Variants in AIG1 observed in about 807,000 individuals in gnomAD.
The protein encoded by AIG1 is androgen induced 1, also known as androgen-induced gene 1 protein.
AIG1 carries 23 observed loss-of-function variants against 31.4 expected under a neutral mutation model. That is an observed-to-expected ratio of 0.73 (90% confidence interval 0.53 to 1.04). The LOEUF (loss-of-function observed/expected upper bound fraction) is 1.04. AIG1 is among the 50% of genes least tolerant of loss of function. AIG1 has a pLI of 0.00. For missense variants in AIG1, 274 were observed against 295.0 expected (o/e 0.93, Z 0.52); for synonymous variants, 100 against 110.5 (o/e 0.90, Z 0.60).
chr6:143,082,053 T>C (rs1778306460), intron 1 of AIG1, among the ~76,000 whole-genome samples: 1 of 152,220 alleles, frequency 6.6e-6, no homozygotes, highest in African/African-American at 2.4e-5. Flanking sequence ...GGTTTCCTGA[T>C]GTTTGATACG....
chr6:143,337,221 A>G (rs1478053713), intron 5 of AIG1, among the ~76,000 whole-genome samples: 1 of 152,182 alleles, frequency 6.6e-6, no homozygotes, highest in African/African-American at 2.4e-5. Flanking sequence ...CATGCTGTCA[A>G]TGTTTCTGCT....
chr6:143,243,217 G>T (rs143495638), intron 3 of AIG1, among the ~76,000 whole-genome samples: 1 of 152,280 alleles, frequency 6.6e-6, no homozygotes, highest in African/African-American at 2.4e-5. Context: ...ATTTGCAGCT[G>T]GGTATGTAGG....
downstream of AIG1, chr6:143,343,030 T>A: frequency 1.2e-6 from 1 of 820,764 alleles, no homozygotes; most frequent in South Asian, 1.3e-5. Flanking sequence ...CAGTTATGTG[T>A]GTAAAGTTGC....
At position 143,328,793 on chromosome 6, in the gene AIG1, C is replaced by T. The variant is rs1776825256; in HGVS notation, c.516-4489C>T. Among the ~76,000 whole-genome samples, 1 of 151,892 alleles carries T rather than the reference C, an allele frequency of 6.6e-6. No homozygotes were observed. Among genetic ancestry groups the T allele is most frequent in the African/African-American group, 2.4e-5 (1 of 41,338 alleles). The stretch of plus-strand genomic sequence containing the variant: ...CGGAGGTACATTTAATAAAATAGAC[C>T]ATCCAAAAATCTTATTATGCTAATA... On this transcript the variant is annotated intron_variant, in intron 4 of 5. Coordinates refer to ENST00000357847, the MANE Select transcript of AIG1 (RefSeq NM_016108.4). This position sits in a 1 kb window ranked among gnomAD's most constrained non-coding sequence, Gnocchi z 4.0.
intron 4 of AIG1, among the ~76,000 whole-genome samples, chr6:143,302,182 TA>T (rs1293262322): frequency 3.3e-5 from 5 of 151,842 alleles, no homozygotes; most frequent in African/African-American, 4.8e-5. Flanking sequence ...CTAACACTTT[TA>T]TTTTTTTATT....
chr6:143,304,390 G>A (rs1426718547), intron 4 of AIG1, among the ~76,000 whole-genome samples: 2 of 151,424 alleles, frequency 1.3e-5, no homozygotes, highest in Middle Eastern at 3.2e-3. Flanking sequence ...ATTATTTTGA[G>A]ATACGTCCCA....
Position 143,092,522 on chromosome 6 carries a change from T to A in AIG1, c.141+31456T>A, listed in dbSNP as rs183359613. ...AGGCATGAAAACATTAATTTTCCTTTACATCTGCATCAAAGCTCTTGGGTG... is the reference window on the plus strand; with the variant it reads ...AGGCATGAAAACATTAATTTTCCTTAACATCTGCATCAAAGCTCTTGGGTG... On this transcript the variant is annotated intron_variant, in intron 1 of 5. Transcript: ENST00000357847. Among the ~76,000 whole-genome samples the A allele has an allele frequency of 8.5e-5, 13 of 152,342 alleles. No homozygotes were observed. The East Asian group carries it at 2.5e-3, about 29-fold the overall frequency.
intron 4 of AIG1, among the ~76,000 whole-genome samples, chr6:143,302,371 C>A (rs1437517471): frequency 6.6e-6 from 1 of 151,556 alleles, no homozygotes; most frequent in Non-Finnish European, 1.5e-5. Context: ...TATCCCTCCC[C>A]ACTCCCCCCG....
At chr6:143,237,672 C>G (rs1793910530) in intron 3 of AIG1, among the ~76,000 whole-genome samples, 1 of 152,142 alleles carries the variant, frequency 6.6e-6, no homozygotes, top group Non-Finnish European at 1.5e-5. Flanking sequence ...AATTTCTACT[C>G]TAACCGAACC....
chr6:143,147,881 T>C (rs913076887), intron 2 of AIG1, among the ~76,000 whole-genome samples: 5 of 152,200 alleles, frequency 3.3e-5, no homozygotes, highest in Non-Finnish European at 7.3e-5. Flanking sequence ...TTCACTTACA[T>C]GCTTGCTGTG....
intron 3 of AIG1, among the ~76,000 whole-genome samples, chr6:143,193,900 G>A (rs1214700532): frequency 6.6e-6 from 1 of 152,220 alleles, no homozygotes; most frequent in Admixed American, 6.5e-5. Context: ...GGAGGAAAGT[G>A]AGGAAATAAG....
rs536023851 is a variant in AIG1 at position 143,202,241 on chromosome 6, G to A, written c.399+37058G>A. Among the ~76,000 whole-genome samples, 26 of 152,238 alleles carry A rather than the reference G, an allele frequency of 1.7e-4. No homozygotes were observed. In the South Asian group the frequency reaches 5.0e-3, roughly 29 times the overall value. ...TAAAGTAAGCACTACCAAATCAAGT[G>A]TAGTTATAGTGGGCCTGCCTTTTAA... On this transcript the variant is annotated intron_variant, in intron 3 of 5. Coordinates refer to ENST00000357847, the MANE Select transcript of AIG1 (RefSeq NM_016108.4).
chr6:143,201,008 A>G (rs750508534), intron 3 of AIG1, among the ~76,000 whole-genome samples: 1 of 151,926 alleles, frequency 6.6e-6, no homozygotes. Context: ...TCCCAAACCT[A>G]TTTCCCGTCT....
rs951254911 is a variant in AIG1, at chr6:143,329,410, C to G, written c.516-3872C>G. 3.3e-5 allele frequency among the ~76,000 whole-genome samples: 5 copies of G among 152,248 alleles called. No individual in the cohort carries two copies. In the East Asian group the frequency reaches 9.6e-4, roughly 29 times the overall value. ...GATTACATCTCATGTTTATAAGCACCACACTCAGAAGAGCTGTCTGCTTCT... is the reference window on the plus strand; with the variant it reads ...GATTACATCTCATGTTTATAAGCACGACACTCAGAAGAGCTGTCTGCTTCT... On this transcript the variant is annotated intron_variant, in intron 4 of 5. Coordinates refer to ENST00000357847, the MANE Select transcript of AIG1 (RefSeq NM_016108.4). The surrounding 1 kb of genome is among the most constrained non-coding windows in gnomAD (Gnocchi z 4.9).
chr6:143,110,184 T>C (rs1781147185), intron 1 of AIG1, among the ~76,000 whole-genome samples: 1 of 152,202 alleles, frequency 6.6e-6, no homozygotes, highest in Non-Finnish European at 1.5e-5. Flanking sequence ...CACTGGTCTA[T>C]TTACCTATCC....
chr6:143,245,026 A>G (rs986001464), intron 3 of AIG1, among the ~76,000 whole-genome samples: 11 of 152,216 alleles, frequency 7.2e-5, no homozygotes, highest in African/African-American at 2.7e-4. Context: ...CCCTGTCACT[A>G]AATCAGCATC....
chr6:143,263,144 C>T (rs960940701), intron 3 of AIG1, among the ~76,000 whole-genome samples: 2 of 152,118 alleles, frequency 1.3e-5, no homozygotes, highest in Admixed American at 6.5e-5. Context: ...TTGGCCTTTC[C>T]CCAGTATTGC....
chr6:143,134,282 T>C lies in AIG1; in HGVS notation c.142-2553T>C, dbSNP rs145221452. Among the ~76,000 whole-genome samples, 491 of 152,056 alleles carry C rather than the reference T, an allele frequency of 3.2e-3. 4 individuals are homozygous for C. The highest frequency in any genetic ancestry group is 0.011 in the African/African-American group (457 of 41,526). ...TCTCTAGAGGTACCTTAATGCAATG[T>C]TATTAATTCCCATGCATTTCTTCAT... On this transcript the variant is annotated intron_variant, in intron 1 of 5. Coordinates refer to ENST00000357847, the MANE Select transcript of AIG1 (RefSeq NM_016108.4).
chr6:143,192,163 C>T (rs565882659), intron 3 of AIG1, among the ~76,000 whole-genome samples: 3 of 152,138 alleles, frequency 2.0e-5, no homozygotes, highest in South Asian at 2.1e-4. Context: ...ATGTTCAAGA[C>T]ATCTAAGGTT....
Sources: gnomAD v4.1 joint callset for allele counts (sites outside exome capture counted in the v4.1 genomes callset) on GRCh38, gnomAD v4.1.1 for gene constraint, Gnocchi (gnomAD v3.1) non-coding constraint, MANE v1.5 for transcripts, NCBI Gene and HGNC (gene_info 2026-07-23, HGNC 2026-07-21) for gene names.